ADAMTS18: variants seen among roughly 807,000 people sequenced by gnomAD.
ADAMTS18 encodes ADAM metallopeptidase with thrombospondin type 1 motif 18.
In ADAMTS18, 157 loss-of-function variants were observed where a neutral mutation model predicts 165.9. The ratio of observed to expected loss-of-function variants is 0.95; its 90% CI spans 0.83 to 1.08. ADAMTS18 has a LOEUF of 1.08. Among genes scored for constraint, ADAMTS18 ranks in the 50% least tolerant of loss-of-function variants. ADAMTS18 has a pLI of 0.00. For missense variants in ADAMTS18, 2,040 were observed against 1,534.0 expected (o/e 1.33, Z -5.51); for synonymous variants, 782 against 578.2 (o/e 1.35, Z -5.06).
At chr16:77,329,104 CTT>C (rs368507724) in intron 12 of ADAMTS18, among the ~76,000 whole-genome samples, 4 of 145,532 alleles carry the variant, frequency 2.7e-5, no homozygotes, top group Non-Finnish European at 3.0e-5. Context: ...GAGATTCTCT[CTT>C]TTTTTTTTTT....
At chr16:77,407,962 A>G (rs992033866) in intron 3 of ADAMTS18, among the ~76,000 whole-genome samples, 1 of 152,154 alleles carries the variant, frequency 6.6e-6, no homozygotes, top group African/African-American at 2.4e-5. Context: ...AAAGCCATTA[A>G]AAGGATAAAA....
intron 4 of ADAMTS18, among the ~76,000 whole-genome samples, chr16:77,365,552 A>T (rs1405030281): frequency 1.3e-5 from 2 of 152,206 alleles, no homozygotes; most frequent in African/African-American, 2.4e-5. Context: ...ACTTTTCATA[A>T]CTGGCAAAGG....
Position 77,297,363 on chromosome 16 carries a change from A to G in ADAMTS18, c.2727T>C (p.Asn909=). ...TGGTTTTTGCACTGCAGAATGAGGAATTGACTTGAGTATTTTGATCTCGCA... is the reference window on the plus strand; with the variant it reads ...TGGTTTTTGCACTGCAGAATGAGGAGTTGACTTGAGTATTTTGATCTCGCA... ...ICLRDQNTQV[N]SSFCSAKTKP... Residue 909 remains asparagine (N), a synonymous_variant, in exon 18 of 23, where the codon AAT becomes AAC. Coordinates refer to ENST00000282849, the MANE Select transcript of ADAMTS18 (RefSeq NM_199355.4). 2.5e-6 allele frequency: 4 copies of G among 1,613,918 alleles called. No individual in the cohort carries two copies. Among genetic ancestry groups the G allele is most frequent in the Non-Finnish European group, 3.4e-6 (4 of 1,179,788 alleles).
intron 3 of ADAMTS18, among the ~76,000 whole-genome samples, chr16:77,400,465 T>C (rs1404647746): frequency 7.0e-6 from 1 of 142,540 alleles, no homozygotes; most frequent in Non-Finnish European, 1.6e-5. Flanking sequence ...TCTGTGTGTG[T>C]GTGTGTGTGT....
intron 3 of ADAMTS18, among the ~76,000 whole-genome samples, chr16:77,368,956 G>C (rs1476554278): frequency 4.6e-5 from 7 of 152,210 alleles, no homozygotes; most frequent in Non-Finnish European, 7.3e-5. Context: ...TTGCAGCCAA[G>C]ATGCACCCTT....
At chr16:77,297,842 A>G (rs756193691) in intron 17 of ADAMTS18, among the ~76,000 whole-genome samples, 10 of 150,778 alleles carry the variant, frequency 6.6e-5, no homozygotes, top group Non-Finnish European at 1.5e-4. Flanking sequence ...TCTTAAGAGC[A>G]TGGGGCACAT....
At chr16:77,372,688 G>T (rs951864813) in intron 3 of ADAMTS18, among the ~76,000 whole-genome samples, 5 of 152,174 alleles carry the variant, frequency 3.3e-5, no homozygotes, top group African/African-American at 1.2e-4. Flanking sequence ...TAAAATCTCA[G>T]ATTTCACAAC....
chr16:77,388,964 G>C (rs1371987838), intron 3 of ADAMTS18, among the ~76,000 whole-genome samples: 1 of 152,178 alleles, frequency 6.6e-6, no homozygotes, highest in South Asian at 2.1e-4. Context: ...AAATGAAGAA[G>C]TCATTAGGTG....
chr16:77,297,682 A>G (rs548534643), intron 17 of ADAMTS18, among the ~76,000 whole-genome samples: 1 of 152,224 alleles, frequency 6.6e-6, no homozygotes, highest in African/African-American at 2.4e-5. Context: ...CCATAAATTG[A>G]TAAATACAAC....
intron 22 of ADAMTS18, among the ~76,000 whole-genome samples, chr16:77,286,045 C>A (rs1453015683): frequency 6.6e-6 from 1 of 152,214 alleles, no homozygotes; most frequent in African/African-American, 2.4e-5. Flanking sequence ...AATCCTTACA[C>A]TGACTGACAA....
intron 10 of ADAMTS18, among the ~76,000 whole-genome samples, chr16:77,350,411 G>A (rs1567504375): frequency 6.6e-6 from 1 of 152,116 alleles, no homozygotes; most frequent in Non-Finnish European, 1.5e-5. Context: ...GAAGACATAA[G>A]GAAGAGAGTT....
At chr16:77,356,252 A>C (rs1027002816) in intron 8 of ADAMTS18, among the ~76,000 whole-genome samples, 175 bp from the exon 9 acceptor site, 14 of 152,220 alleles carry the variant, frequency 9.2e-5, no homozygotes, top group Non-Finnish European at 8.8e-5. Flanking sequence ...TTCACACAGA[A>C]AACTTTAAAA....
At chr16:77,395,547 C>T (rs1023671219) in intron 3 of ADAMTS18, among the ~76,000 whole-genome samples, 1 of 152,172 alleles carries the variant, frequency 6.6e-6, no homozygotes, top group Admixed American at 6.5e-5. Context: ...GTTCACTCCC[C>T]ATAAAGCATA....
intron 10 of ADAMTS18, among the ~76,000 whole-genome samples, chr16:77,350,073 C>G (rs2056533661): frequency 6.6e-6 from 1 of 152,198 alleles, no homozygotes; most frequent in African/African-American, 2.4e-5. Flanking sequence ...TTGGGACCCT[C>G]TGACAAACAG....
intron 3 of ADAMTS18, among the ~76,000 whole-genome samples, chr16:77,418,956 C>T (rs1597251748): frequency 2.6e-5 from 4 of 152,200 alleles, no homozygotes; most frequent in Admixed American, 2.0e-4. Flanking sequence ...CGAGATCAGC[C>T]TGGCCAACGT....
intron 18 of ADAMTS18, 132 bp from the exon 19 acceptor site, chr16:77,295,259 A>T (rs911489258): frequency 6.4e-6 from 6 of 933,560 alleles, no homozygotes; most frequent in South Asian, 2.8e-5. Context: ...AAGTTATTCT[A>T]ATTGTTCTTT....
intron 10 of ADAMTS18, among the ~76,000 whole-genome samples, chr16:77,343,944 T>C (rs1451817335): frequency 6.6e-6 from 1 of 151,744 alleles, no homozygotes; most frequent in Non-Finnish European, 1.5e-5. Flanking sequence ...TTACTTGTTG[T>C]AATCCTGAAA....
At chr16:77,416,658 A>G (rs1342361413) in intron 3 of ADAMTS18, among the ~76,000 whole-genome samples, 1 of 152,174 alleles carries the variant, frequency 6.6e-6, no homozygotes, top group Non-Finnish European at 1.5e-5. Context: ...TCTTTCCTTT[A>G]TAAATTACCC....
In ADAMTS18 at chr16:77,335,807, C is replaced by A; in HGVS notation, c.1808G>T (p.Arg603Leu). ...SAWSKWSECS[R>L]TCGGGVKFQE... ...GAACTTGACTCCTCCACCACATGTCCGGGAACATTCTGACCACTTCGACCA... is the reference window on the plus strand; with the variant it reads ...GAACTTGACTCCTCCACCACATGTCAGGGAACATTCTGACCACTTCGACCA... The change falls in exon 12 of 23, where the codon CGG becomes CTG. Residue 603 changes from arginine (R) to leucine (L), a missense_variant. Coordinates refer to ENST00000282849, the MANE Select transcript of ADAMTS18 (RefSeq NM_199355.4). 1.2e-6 allele frequency: 2 copies of A among 1,614,180 alleles called. No homozygotes were observed. Among genetic ancestry groups the A allele is most frequent in the Middle Eastern group, 1.6e-4 (1 of 6,062 alleles).
Sources: gnomAD v4.1 joint callset for allele counts (sites outside exome capture counted in the v4.1 genomes callset) on GRCh38, gnomAD v4.1.1 for gene constraint, MANE v1.5 for transcripts, NCBI Gene and HGNC (gene_info 2026-07-23, HGNC 2026-07-21) for gene names.